The following AKAP6 variants were observed in gnomAD, a reference collection of about 807,000 sequenced individuals.
The protein encoded by AKAP6 is A-kinase anchor protein 6.
AKAP6 carries 58 observed loss-of-function variants against 188.5 expected under a neutral mutation model. The ratio of observed to expected loss-of-function variants is 0.31; its 90% CI spans 0.25 to 0.38. The LOEUF is 0.38. AKAP6 is among the 10% of genes least tolerant of loss of function. The pLI, the probability that AKAP6 is intolerant of heterozygous loss-of-function variation, is 1.00. For synonymous variants in AKAP6, 989 were observed against 998.6 expected (o/e 0.99, Z 0.18); for missense variants, 2,710 against 2,740.0 (o/e 0.99, Z 0.24).
chr14:32,636,175 A>T (rs919285627), intron 7 of AKAP6, among the ~76,000 whole-genome samples: 1 of 152,120 alleles, frequency 6.6e-6, no homozygotes, highest in Admixed American at 6.6e-5. Context: ...AAATGCAGCA[A>T]ATGGTACATG....
chr14:32,488,074 G>T (rs1242198356), intron 2 of AKAP6, among the ~76,000 whole-genome samples: 2 of 152,184 alleles, frequency 1.3e-5, no homozygotes, highest in Non-Finnish European at 2.9e-5. Context: ...AGATCCGCTG[G>T]TCTCTTCATA....
intron 11 of AKAP6, among the ~76,000 whole-genome samples, chr14:32,750,747 T>TG (rs1566685825): frequency 1.1e-3 from 164 of 143,256 alleles, no homozygotes; most frequent in African/African-American, 4.0e-3. Flanking sequence ...GTTTTTTTTT[T>TG]TTTGTTTTTT....
At chr14:32,427,932 C>T (rs1322326889) in intron 1 of AKAP6, among the ~76,000 whole-genome samples, 4 of 152,160 alleles carry the variant, frequency 2.6e-5, no homozygotes, top group African/African-American at 4.8e-5. Flanking sequence ...TAATCACTTG[C>T]TTATATTTTC....
chr14:32,412,967 T>C (rs1009199852), intron 1 of AKAP6, among the ~76,000 whole-genome samples: 4 of 152,130 alleles, frequency 2.6e-5, no homozygotes, highest in African/African-American at 9.7e-5. Context: ...AACAAGATAA[T>C]CAATCTCACC....
chr14:32,772,914 T>C (rs2032943546), intron 11 of AKAP6, among the ~76,000 whole-genome samples: 1 of 152,194 alleles, frequency 6.6e-6, no homozygotes, highest in African/African-American at 2.4e-5. Context: ...AGAAAGGATA[T>C]AATATTTTTA....
chr14:32,394,914 C>G (rs565873454), intron 1 of AKAP6, among the ~76,000 whole-genome samples: 1 of 152,034 alleles, frequency 6.6e-6, no homozygotes, highest in African/African-American at 2.4e-5. Flanking sequence ...ACAAATTGTG[C>G]GTGTAAATAA....
intron 3 of AKAP6, among the ~76,000 whole-genome samples, chr14:32,544,164 T>C (rs1883083048): frequency 6.6e-6 from 1 of 152,194 alleles, no homozygotes; most frequent in Non-Finnish European, 1.5e-5. Context: ...CCAGCTTCAA[T>C]TGGCTCACCA....
intron 1 of AKAP6, among the ~76,000 whole-genome samples, chr14:32,394,747 T>C (rs567523548): frequency 6.9e-4 from 105 of 152,270 alleles, no homozygotes; most frequent in African/African-American, 2.4e-3. Flanking sequence ...AGCAAAAACA[T>C]GTAGTTTTAC....
chr14:32,794,637 G>A (rs997087862), intron 12 of AKAP6, among the ~76,000 whole-genome samples: 7 of 152,286 alleles, frequency 4.6e-5, no homozygotes, highest in African/African-American at 1.7e-4. Context: ...TCTCTGGGTT[G>A]CTAAAGCTAT....
At chr14:32,346,970 A>G (rs1023303534) in intron 1 of AKAP6, among the ~76,000 whole-genome samples, 2 of 152,112 alleles carry the variant, frequency 1.3e-5, no homozygotes, top group East Asian at 3.8e-4. Context: ...AAAATATCAT[A>G]TAGAGATATT....
chr14:32,800,061 C>CTCTATA (rs377693074), intron 12 of AKAP6, among the ~76,000 whole-genome samples: 6 of 136,944 alleles, frequency 4.4e-5, no homozygotes, highest in Admixed American at 2.3e-4. Context: ...CTCTCTCTCT[C>CTCTATA]TATATATATA....
chr14:32,435,309 A>G (rs1387405508), intron 2 of AKAP6, among the ~76,000 whole-genome samples: 1 of 152,164 alleles, frequency 6.6e-6, no homozygotes, highest in East Asian at 1.9e-4. Context: ...ATAAAGGGAA[A>G]TATCTTTAGA....
chr14:32,523,424 A>G (rs1881957378), intron 2 of AKAP6, among the ~76,000 whole-genome samples: 1 of 152,026 alleles, frequency 6.6e-6, no homozygotes, highest in African/African-American at 2.4e-5. Flanking sequence ...GATATCACCA[A>G]CTATCGAAAA....
chr14:32,824,743 T>C lies in AKAP6; in HGVS notation c.6930T>C (p.His2310=), dbSNP rs1270871064. ...GTGAAGAAAATCTTCTAAACCTTCATGAAAAACGACATAGAAATATGCATA... is the reference window on the plus strand; with the variant it reads ...GTGAAGAAAATCTTCTAAACCTTCACGAAAAACGACATAGAAATATGCATA... ...LTCEENLLNL[H]EKRHRNMHR The change falls in exon 13 of 14, where the codon CAT becomes CAC. Residue 2310 remains histidine (H), a synonymous_variant. Coordinates refer to ENST00000280979, the MANE Select transcript of AKAP6 (RefSeq NM_004274.5). 6.8e-6 allele frequency: 11 copies of C among 1,611,808 alleles called. No individual in the cohort carries two copies. Among genetic ancestry groups the C allele is most frequent in the Non-Finnish European group, 9.3e-6 (11 of 1,179,316 alleles).
chr14:32,766,854 T>C (rs1032800477), intron 11 of AKAP6, among the ~76,000 whole-genome samples: 1 of 152,160 alleles, frequency 6.6e-6, no homozygotes, highest in Non-Finnish European at 1.5e-5. Flanking sequence ...GTTTCTACTT[T>C]TGATGTAATA....
chr14:32,543,258 A>C (rs551827843), intron 3 of AKAP6, among the ~76,000 whole-genome samples: 1 of 152,228 alleles, frequency 6.6e-6, no homozygotes, highest in Non-Finnish European at 1.5e-5. Context: ...TCTGAGTTCA[A>C]CTTTTTTAGC....
chr14:32,597,588 G>A (rs1885757398), intron 5 of AKAP6, among the ~76,000 whole-genome samples: 2 of 152,104 alleles, frequency 1.3e-5, no homozygotes, highest in Non-Finnish European at 2.9e-5. Context: ...GAAGTATGAG[G>A]CTTCCCATAC....
intron 1 of AKAP6, among the ~76,000 whole-genome samples, chr14:32,360,133 CT>C (rs35632131): frequency 0.32 from 40,733 of 128,818 alleles, 6,266 homozygotes; most frequent in East Asian, 0.48. Context: ...TTTCTTTTTT[CT>C]TTTTTTTTTT....
At chr14:32,498,538 A>G (rs979595142) in intron 2 of AKAP6, among the ~76,000 whole-genome samples, 6 of 152,150 alleles carry the variant, frequency 3.9e-5, no homozygotes, top group Admixed American at 3.9e-4. Flanking sequence ...TGGCCTTAAA[A>G]CTTTTATTTT....
Sources: gnomAD v4.1 joint callset for allele counts (sites outside exome capture counted in the v4.1 genomes callset) on GRCh38, gnomAD v4.1.1 for gene constraint, MANE v1.5 for transcripts, NCBI Gene and HGNC (gene_info 2026-07-23, HGNC 2026-07-21) for gene names.